The following LIN7A variants were observed in gnomAD, a reference collection of about 807,000 sequenced individuals.
LIN7A encodes protein lin-7 homolog A.
In LIN7A, 25 loss-of-function variants were observed where a neutral mutation model predicts 29.8. The ratio of observed to expected loss-of-function variants is 0.84; its 90% CI spans 0.61 to 1.17. LIN7A has a LOEUF of 1.17. LIN7A is among the 50% of genes most tolerant of loss of function. The probability of loss-of-function intolerance (pLI) is 0.00; values close to 1 mark genes in which losing one functional copy is unlikely to be tolerated. For missense variants in LIN7A, 239 were observed against 287.0 expected (o/e 0.83, Z 1.21); for synonymous variants, 118 against 107.5 (o/e 1.10, Z -0.60).
At chr12:80,876,092 A>AAGAG (rs1874684997) in intron 2 of LIN7A, among the ~76,000 whole-genome samples, 1 of 149,584 alleles carries the variant, frequency 6.7e-6, no homozygotes, top group Non-Finnish European at 1.5e-5. Context: ...GAGAGAGAGA[A>AAGAG]AGAGAGAGAC....
At chr12:80,872,751 G>T (rs1366640881) in intron 2 of LIN7A, among the ~76,000 whole-genome samples, 1 of 152,128 alleles carries the variant, frequency 6.6e-6, no homozygotes, top group African/African-American at 2.4e-5. Context: ...TCAACATGCG[G>T]CAGTAGTTGG....
At chr12:80,929,942 A>G (rs1003542008) in intron 1 of LIN7A, among the ~76,000 whole-genome samples, 1 of 152,174 alleles carries the variant, frequency 6.6e-6, no homozygotes, top group Non-Finnish European at 1.5e-5. Context: ...TTATTGTTAA[A>G]TAGACCCAGC....
rs1278824267 is a variant in LIN7A, at chr12:80,793,075, C to T, written c.*4652G>A. On this transcript the variant is annotated 3_prime_UTR_variant, in exon 6 of 6. Transcript: ENST00000552864. ...TTTTAATGTAATGGTGTCCCCCAAA[C>T]CACAGATAATGATTAGACACATGAA... 1.3e-5 allele frequency: 2 copies of T among 152,084 alleles called. No homozygotes were observed. Among genetic ancestry groups the T allele is most frequent in the African/African-American group, 4.8e-5 (2 of 41,388 alleles). The allele number at this position is 152,084 out of a possible 1,614,324, so 9.4% of individuals were successfully genotyped here. A position where few individuals can be genotyped will look rare whatever the true frequency, so the allele number is the denominator to read the frequency against.
chr12:80,927,639 TA>T (rs1353807527), intron 1 of LIN7A, among the ~76,000 whole-genome samples: 1 of 152,044 alleles, frequency 6.6e-6, no homozygotes. Context: ...ATATGACAAA[TA>T]AACTTAGCGC....
chr12:80,908,607 C>T (rs1016675987), intron 1 of LIN7A, among the ~76,000 whole-genome samples: 1 of 152,024 alleles, frequency 6.6e-6, no homozygotes, highest in East Asian at 1.9e-4. Flanking sequence ...CTTTTCTGCA[C>T]TTGAGACAAT....
At chr12:80,883,297 C>T (rs1319776595) in intron 2 of LIN7A, among the ~76,000 whole-genome samples, 1 of 152,120 alleles carries the variant, frequency 6.6e-6, no homozygotes, top group Non-Finnish European at 1.5e-5. Flanking sequence ...TTGACTCTCT[C>T]ATAAAGCTGA....
intron 4 of LIN7A, among the ~76,000 whole-genome samples, chr12:80,822,720 AG>A (rs978400297): frequency 6.6e-6 from 1 of 152,120 alleles, no homozygotes; most frequent in Non-Finnish European, 1.5e-5. Context: ...AGGAAAGCCG[AG>A]GGGGCCTAAG....
chr12:80,908,233 T>A (rs2120781357), intron 1 of LIN7A, among the ~76,000 whole-genome samples: 2 of 152,196 alleles, frequency 1.3e-5, no homozygotes, highest in African/African-American at 4.8e-5. Flanking sequence ...AGACTTAGAT[T>A]TAGTCTTAAA....
At chr12:80,818,252 C>T (rs1209954839) in intron 4 of LIN7A, among the ~76,000 whole-genome samples, 2 of 152,070 alleles carry the variant, frequency 1.3e-5, no homozygotes, top group African/African-American at 4.8e-5. Context: ...TCCGCCTCCC[C>T]ATGAAGTTCT....
At chr12:80,854,496 A>AAAAAAAAAAAAC (rs1873500156) in intron 2 of LIN7A, among the ~76,000 whole-genome samples, 1 of 150,904 alleles carries the variant, frequency 6.6e-6, no homozygotes, top group African/African-American at 2.4e-5. Context: ...CAAAAAAAAA[A>AAAAAAAAAAAAC]AAAAAAAAAA....
intron 1 of LIN7A, among the ~76,000 whole-genome samples, chr12:80,933,445 A>G (rs1021589742): frequency 6.6e-6 from 1 of 152,130 alleles, no homozygotes; most frequent in Non-Finnish European, 1.5e-5. Context: ...AATACACCAA[A>G]ACGTAGTTTA....
intron 4 of LIN7A, among the ~76,000 whole-genome samples, chr12:80,830,017 G>A (rs545556602): frequency 4.6e-5 from 7 of 152,244 alleles, no homozygotes; most frequent in African/African-American, 1.7e-4. Flanking sequence ...TCAGCCTAGT[G>A]TACCTCACCC....
chr12:80,803,692 GCATTGAATT>G (rs935003139), intron 5 of LIN7A, among the ~76,000 whole-genome samples: 36 of 152,132 alleles, frequency 2.4e-4, no homozygotes, highest in Admixed American at 1.2e-3. Context: ...GATAGTAAGA[GCATTGAATT>G]CTACAGCATT....
At chr12:80,894,043 A>T (rs1163667) in intron 1 of LIN7A, among the ~76,000 whole-genome samples, 2 of 152,128 alleles carry the variant, frequency 1.3e-5, no homozygotes, top group South Asian at 4.2e-4. Flanking sequence ...GATTCCCTTA[A>T]GTTCTATAAG....
chr12:80,911,455 A>C (rs1388533909), intron 1 of LIN7A, among the ~76,000 whole-genome samples: 2 of 152,030 alleles, frequency 1.3e-5, no homozygotes, highest in Non-Finnish European at 1.5e-5. Flanking sequence ...GACTCTAAGC[A>C]TAAGGGATTA....
At chr12:80,848,075 T>A in intron 3 of LIN7A, 176 bp downstream of exon 3, 1 of 690,746 alleles carries the variant, frequency 1.4e-6, no homozygotes. Context: ...GCAGAAACGT[T>A]CAATTTTCCA....
intron 4 of LIN7A, among the ~76,000 whole-genome samples, chr12:80,842,626 C>T (rs964388769): frequency 2.4e-5 from 3 of 127,380 alleles, no homozygotes; most frequent in African/African-American, 8.8e-5. Context: ...CTTTCCATTA[C>T]AGATTTTTTT....
chr12:80,807,076 T>TTTGTTTTTTTTTTTG (rs1871046873), intron 5 of LIN7A, among the ~76,000 whole-genome samples: 9 of 126,042 alleles, frequency 7.1e-5, no homozygotes, highest in Non-Finnish European at 1.5e-4. Flanking sequence ...TTTTTTTTTT[T>TTTGTTTTTTTTTTTG]TTTTTTTTTT....
chr12:80,849,257 G>A lies in LIN7A; in HGVS notation c.202-935C>T, dbSNP rs1012843802. 5.3e-5 allele frequency among the ~76,000 whole-genome samples: 8 copies of A among 152,250 alleles called. No homozygotes were observed. In the South Asian group the frequency reaches 6.2e-4, roughly 12 times the overall value. The stretch of plus-strand genomic sequence containing the variant: ...TTTATGGAATCTGAGATATGTTACT[G>A]CAAATTCTCCAGGTTACCTGAACAG... On this transcript the variant is annotated intron_variant, in intron 2 of 5. Coordinates refer to ENST00000552864, the MANE Select transcript of LIN7A (RefSeq NM_004664.4).
Sources: gnomAD v4.1 joint callset for allele counts (sites outside exome capture counted in the v4.1 genomes callset) on GRCh38, gnomAD v4.1.1 for gene constraint, MANE v1.5 for transcripts, NCBI Gene and HGNC (gene_info 2026-07-23, HGNC 2026-07-21) for gene names.